Variants in TCEANC2 observed in about 807,000 individuals in gnomAD.
TCEANC2 encodes the protein transcription elongation factor A N-terminal and central domain-containing protein 2.
Under a neutral mutation model 22.8 loss-of-function variants are expected in TCEANC2, and 20 were observed. The ratio of observed to expected loss-of-function variants is 0.88; its 90% CI spans 0.62 to 1.28. TCEANC2 has a LOEUF of 1.28. TCEANC2 is among the 50% of genes most tolerant of loss of function. TCEANC2 has a pLI of 0.00. For synonymous variants in TCEANC2, 84 were observed against 95.5 expected, an observed-to-expected ratio of 0.88 and a Z score of 0.70; for missense variants, 251 against 249.7, an observed-to-expected ratio of 1.01 and a Z score of -0.03.
At chr1:54,066,497 T>G (rs1657957948) in intron 2 of TCEANC2, among the ~76,000 whole-genome samples, 2 of 152,096 alleles carry the variant, frequency 1.3e-5, no homozygotes, top group South Asian at 4.1e-4. Flanking sequence ...AGTAAAGAGA[T>G]GAAGACAATA....
exon 5 of TCEANC2, chr1:54,111,377 T>C (rs1332265576): frequency 6.6e-6 from 1 of 152,242 alleles, no homozygotes; most frequent in Admixed American, 6.5e-5. Context: ...GGTAAAGCTG[T>C]GTTAGTTACA....
chr1:54,102,711 T>C lies in TCEANC2; in HGVS notation c.*6238T>C, dbSNP rs749491443. 4 of 152,260 alleles carry C rather than the reference T, an allele frequency of 2.6e-5. No homozygotes were observed. The highest frequency in any genetic ancestry group is 2.9e-5 in the Non-Finnish European group (2 of 68,090). The allele number at this position is 152,260 out of a possible 1,614,324, so 9.4% of individuals were successfully genotyped here. A position where few individuals can be genotyped will look rare whatever the true frequency, so the allele number is the denominator to read the frequency against. On this transcript the variant is annotated 3_prime_UTR_variant, in exon 5 of 5. Transcript: ENST00000234827. ...ACCTTTGGCTGCCTGGGGAGCTCTT[T>C]ATAATATCCAGCTGATAGAAGAGAA...
chr1:54,094,152 T>G (rs1406614418), intron 4 of TCEANC2, among the ~76,000 whole-genome samples: 2 of 152,168 alleles, frequency 1.3e-5, no homozygotes, highest in Non-Finnish European at 2.9e-5. Flanking sequence ...GTGAGCACCT[T>G]TTGTCGGCTA....
rs566514022 is a variant in TCEANC2, at chr1:54,096,782, A to G, written c.*309A>G. 7.0e-5 allele frequency: 75 copies of G among 1,068,824 alleles called. 1 individual carries two copies. In the South Asian group the frequency reaches 2.7e-3, roughly 38 times the overall value. 66.2% of individuals were successfully genotyped at this position (1,068,824 alleles called of 1,614,324 possible). A position where few individuals can be genotyped will look rare whatever the true frequency, so the allele number is the denominator to read the frequency against. ...GGATTTCACTGTGAATATGCCAAGG[A>G]CACCTCTAAACTTCCCCCATGTCAG... On this transcript the variant is annotated 3_prime_UTR_variant, in exon 5 of 5. Transcript: ENST00000234827. This position sits in a 1 kb window ranked among gnomAD's most constrained non-coding sequence, Gnocchi z 4.9.
At chr1:54,092,875 G>GA (rs1658474542) in intron 4 of TCEANC2, among the ~76,000 whole-genome samples, 9 of 152,266 alleles carry the variant, frequency 5.9e-5, no homozygotes, top group East Asian at 5.8e-4. Context: ...TCCAGAATTA[G>GA]CTGTATAACA....
chr1:54,060,951 C>CA lies in TCEANC2; in HGVS notation c.102+6438dup, dbSNP rs879485531. Reference sequence around the variant, plus strand: ...TGACAGAGCGAGACTCTGTCTCAAACAAAAAAAAAAAGAGGTAAGAGAAGA... The same window carrying CA: ...TGACAGAGCGAGACTCTGTCTCAAACAAAAAAAAAAAAGAGGTAAGAGAAGA... On this transcript the variant is annotated intron_variant, in intron 2 of 4. Transcript: ENST00000234827. Among the ~76,000 whole-genome samples, 162 of 127,310 alleles carry CA rather than the reference C, an allele frequency of 1.3e-3. 1 individual carries two copies. The highest frequency in any genetic ancestry group is 3.2e-3 in the South Asian group (13 of 4,002). The allele number at this position is 127,310 out of a possible 152,430, so 83.5% of individuals were successfully genotyped here.
chr1:54,097,902 C>G lies in TCEANC2; in HGVS notation c.*1429C>G, dbSNP rs2100390641. The G allele has an allele frequency of 6.6e-6, 1 of 152,232 alleles. No homozygotes were observed. The highest frequency in any genetic ancestry group is 2.4e-5 in the African/African-American group (1 of 41,530). The allele number at this position is 152,232 out of a possible 1,614,324, so 9.4% of individuals were successfully genotyped here. ...TACCCTGGGCCCAGCACTGTGGTAA[C>G]CATTTTACAAAAAGAAAATACCCAG... On this transcript the variant is annotated 3_prime_UTR_variant, in exon 5 of 5. Coordinates refer to ENST00000234827, the MANE Select transcript of TCEANC2 (RefSeq NM_153035.3).
chr1:54,057,766 C>T (rs1386244940), intron 2 of TCEANC2, among the ~76,000 whole-genome samples: 28 of 152,156 alleles, frequency 1.8e-4, no homozygotes, highest in Admixed American at 1.8e-3. Context: ...TTTTACATGA[C>T]ACCCAAGGCC....
chr1:54,062,259 A>G (rs140954320), intron 2 of TCEANC2, among the ~76,000 whole-genome samples: 4 of 152,356 alleles, frequency 2.6e-5, no homozygotes, highest in African/African-American at 9.6e-5. Context: ...TTCTGGCAAT[A>G]ACTATTCTAC....
chr1:54,080,997 TGATC>T (rs1410886104), intron 3 of TCEANC2, among the ~76,000 whole-genome samples: 3 of 152,216 alleles, frequency 2.0e-5, no homozygotes, highest in Non-Finnish European at 4.4e-5. Context: ...TAGGACTATC[TGATC>T]ACCAGAGGGA....
downstream of TCEANC2, among the ~76,000 whole-genome samples, chr1:54,110,136 G>T (rs1658818523): frequency 6.6e-6 from 1 of 152,172 alleles, no homozygotes; most frequent in Non-Finnish European, 1.5e-5. Flanking sequence ...GTTTGCCTTA[G>T]TCTCCCAAAT....
chr1:54,100,894 A>T lies in TCEANC2; in HGVS notation c.*4421A>T, dbSNP rs1407484358. 1 of 152,248 alleles carries T rather than the reference A, an allele frequency of 6.6e-6. No individual in the cohort carries two copies. The highest frequency in any genetic ancestry group is 2.4e-5 in the African/African-American group (1 of 41,474). The allele number at this position is 152,248 out of a possible 1,614,324, so 9.4% of individuals were successfully genotyped here. A position where few individuals can be genotyped will look rare whatever the true frequency, so the allele number is the denominator to read the frequency against. Reference sequence around the variant, plus strand: ...AACAGATATTTTAAGAAAATTTTAAACATTCAAAAGAAACCCAACAATTTA... The same window carrying T: ...AACAGATATTTTAAGAAAATTTTAATCATTCAAAAGAAACCCAACAATTTA... On this transcript the variant is annotated 3_prime_UTR_variant, in exon 5 of 5. Transcript: ENST00000234827.
At chr1:54,078,502 A>G (rs1278801994) in intron 3 of TCEANC2, among the ~76,000 whole-genome samples, 1 of 152,080 alleles carries the variant, frequency 6.6e-6, no homozygotes, top group Non-Finnish European at 1.5e-5. Context: ...ACTCTTTTAA[A>G]TCAGAATTTA....
At chr1:54,054,221 A>G in intron 1 of TCEANC2, 160 bp from the exon 2 acceptor site, 1 of 1,436,812 alleles carries the variant, frequency 7.0e-7, no homozygotes, top group Non-Finnish European at 9.2e-7. Flanking sequence ...AATTCTTCGG[A>G]AGATCTTTCT....
At chr1:54,110,402 C>G (rs1036814046), downstream of TCEANC2, among the ~76,000 whole-genome samples, 3 of 151,960 alleles carry the variant, frequency 2.0e-5, no homozygotes, top group African/African-American at 7.3e-5. Context: ...AGTTTGAGAC[C>G]AGCCTGGGCA....
intron 4 of TCEANC2, chr1:54,090,239 T>G (rs1292955357): frequency 5.2e-6 from 1 of 190,960 alleles, no homozygotes; most frequent in African/African-American, 2.4e-5. Context: ...AAATAAAGTT[T>G]TGGGTTTTTA....
intron 2 of TCEANC2, among the ~76,000 whole-genome samples, chr1:54,064,585 T>C (rs190508175): frequency 9.2e-5 from 14 of 152,140 alleles, no homozygotes; most frequent in Admixed American, 5.9e-4. Flanking sequence ...TTACACCCTA[T>C]GCAAATGTTT....
At chr1:54,062,063 T>C (rs1657867941) in intron 2 of TCEANC2, among the ~76,000 whole-genome samples, 1 of 152,246 alleles carries the variant, frequency 6.6e-6, no homozygotes, top group African/African-American at 2.4e-5. Context: ...TTCAGAAGGT[T>C]CTATGAACCT....
chr1:54,070,192 A>G (rs1658031101), intron 3 of TCEANC2, among the ~76,000 whole-genome samples: 1 of 152,194 alleles, frequency 6.6e-6, no homozygotes, highest in African/African-American at 2.4e-5. Flanking sequence ...ATTGTAGCCA[A>G]GGAGATTCTC....
Sources: allele counts gnomAD v4.1 joint callset (sites outside exome capture counted in the v4.1 genomes callset), GRCh38; gene constraint gnomAD v4.1.1; non-coding constraint Gnocchi (gnomAD v3.1); transcripts MANE v1.5; gene names NCBI Gene and HGNC (gene_info 2026-07-23, HGNC 2026-07-21).